The following PTPRR variants were observed in gnomAD, a reference collection of about 807,000 sequenced individuals.
The protein encoded by PTPRR is protein tyrosine phosphatase receptor type R.
PTPRR carries 38 observed loss-of-function variants against 77.2 expected under a neutral mutation model. The observed-to-expected ratio is 0.49, with a 90% CI of 0.38 to 0.65. PTPRR has a LOEUF of 0.65. Among genes scored for constraint, PTPRR ranks in the 30% least tolerant of loss-of-function variants. The pLI is 0.00. For synonymous variants in PTPRR, 299 were observed against 283.1 expected (o/e 1.06, Z -0.57); for missense variants, 744 against 799.2 (o/e 0.93, Z 0.83).
At chr12:70,725,502 C>T (rs1328476986) in intron 6 of PTPRR, among the ~76,000 whole-genome samples, 1 of 152,112 alleles carries the variant, frequency 6.6e-6, no homozygotes, top group Non-Finnish European at 1.5e-5. Context: ...CCCCCCACCT[C>T]CCCAATGTAT....
intron 2 of PTPRR, among the ~76,000 whole-genome samples, chr12:70,813,930 A>G (rs553325416): frequency 6.6e-6 from 1 of 152,330 alleles, no homozygotes; most frequent in East Asian, 1.9e-4. Context: ...AAAACCAACC[A>G]GAAAAGAACA....
At chr12:70,682,613 T>C (rs1030090021) in intron 10 of PTPRR, among the ~76,000 whole-genome samples, 1 of 152,166 alleles carries the variant, frequency 6.6e-6, no homozygotes, top group African/African-American at 2.4e-5. Flanking sequence ...TTTCAGGTTA[T>C]CTAGTCTGCT....
At chr12:70,836,450 G>A (rs1009339524) in intron 2 of PTPRR, among the ~76,000 whole-genome samples, 51 of 151,680 alleles carry the variant, frequency 3.4e-4, no homozygotes, top group African/African-American at 1.2e-3. Flanking sequence ...AGATAATTTT[G>A]CTGCACTTCT....
At chr12:70,706,929 G>A (rs1165082046) in intron 6 of PTPRR, among the ~76,000 whole-genome samples, 1 of 152,002 alleles carries the variant, frequency 6.6e-6, no homozygotes, top group African/African-American at 2.4e-5. Context: ...CCTAATGTCT[G>A]GGATATAATA....
intron 2 of PTPRR, among the ~76,000 whole-genome samples, chr12:70,835,322 G>C (rs1892281483): frequency 6.6e-6 from 1 of 151,942 alleles, no homozygotes; most frequent in Non-Finnish European, 1.5e-5. Context: ...TTAGTGCTAA[G>C]GGATTACTAT....
intron 8 of PTPRR, among the ~76,000 whole-genome samples, chr12:70,694,021 C>T (rs1295578693): frequency 6.6e-6 from 1 of 152,036 alleles, no homozygotes. Flanking sequence ...GTTATCACTA[C>T]TTTTGGGAAT....
chr12:70,897,065 G>C lies in PTPRR; in HGVS notation c.59-4088C>G, dbSNP rs192954975. Among the ~76,000 whole-genome samples, 270 of 151,614 alleles carry C rather than the reference G, an allele frequency of 1.8e-3. 2 individuals are homozygous for C. Among genetic ancestry groups the C allele is most frequent in the African/African-American group, 6.2e-3 (257 of 41,426 alleles). On this transcript the variant is annotated intron_variant, in intron 1 of 13. Coordinates refer to ENST00000283228, the MANE Select transcript of PTPRR (RefSeq NM_002849.4). ...TAGCGTGATGCCTCCAGCTTTGTTC[G>C]TTTGGCTTAGGATTGACTTGGCAAT...
chr12:70,697,272 A>T (rs2136771503), intron 8 of PTPRR, among the ~76,000 whole-genome samples: 1 of 152,238 alleles, frequency 6.6e-6, no homozygotes, highest in Admixed American at 6.6e-5. Context: ...ATCCTCATGG[A>T]TATAAAGTAC....
intron 5 of PTPRR, among the ~76,000 whole-genome samples, chr12:70,750,322 A>G (rs192920423): frequency 2.0e-5 from 3 of 152,310 alleles, no homozygotes; most frequent in Non-Finnish European, 2.9e-5. Context: ...AGGAATGCCA[A>G]TGCAAATGGA....
intron 6 of PTPRR, among the ~76,000 whole-genome samples, chr12:70,703,709 G>T (rs958644): frequency 0.34 from 51,329 of 151,998 alleles, 8,869 homozygotes; most frequent in South Asian, 0.48. Context: ...TAGTATGAAG[G>T]TGAGAGAGGC....
intron 1 of PTPRR, among the ~76,000 whole-genome samples, chr12:70,905,423 TAG>T (rs1893606718): frequency 6.6e-6 from 1 of 151,926 alleles, no homozygotes; most frequent in African/African-American, 2.4e-5. Context: ...CTGTGAGGGA[TAG>T]AGTGTCTCTT....
intron 2 of PTPRR, among the ~76,000 whole-genome samples, chr12:70,779,011 A>G (rs919800845): frequency 1.3e-5 from 2 of 151,854 alleles, no homozygotes; most frequent in South Asian, 4.2e-4. Flanking sequence ...ACACCCAGCT[A>G]ATTTTTTTGT....
intron 6 of PTPRR, among the ~76,000 whole-genome samples, chr12:70,703,757 A>C (rs1404138532): frequency 6.6e-6 from 1 of 152,128 alleles, no homozygotes; most frequent in Non-Finnish European, 1.5e-5. Flanking sequence ...CTTTAAAATC[A>C]CCATGCCATT....
intron 6 of PTPRR, among the ~76,000 whole-genome samples, chr12:70,717,100 C>T (rs776101530): frequency 1.6e-4 from 24 of 152,196 alleles, no homozygotes; most frequent in Admixed American, 2.0e-4. Context: ...ACATACTATT[C>T]TTCCTCAGGT....
chr12:70,865,915 C>T (rs567625074), intron 2 of PTPRR, among the ~76,000 whole-genome samples: 63 of 152,228 alleles, frequency 4.1e-4, no homozygotes, highest in African/African-American at 1.5e-3. Context: ...TACCAGATCT[C>T]TTAATTTTTT....
intron 10 of PTPRR, among the ~76,000 whole-genome samples, chr12:70,683,684 G>A (rs1887756778): frequency 6.6e-6 from 1 of 151,968 alleles, no homozygotes; most frequent in Non-Finnish European, 1.5e-5. Context: ...AGTTTATTAT[G>A]TGTAGTGTTG....
At chr12:70,867,035 TA>T (rs1892864906) in intron 2 of PTPRR, among the ~76,000 whole-genome samples, 1 of 151,580 alleles carries the variant, frequency 6.6e-6, no homozygotes, top group Non-Finnish European at 1.5e-5. Context: ...TGGTAGGACG[TA>T]TCTCAAAATA....
At chr12:70,919,630 G>A (rs1222885335) in intron 1 of PTPRR, among the ~76,000 whole-genome samples, 1 of 149,240 alleles carries the variant, frequency 6.7e-6, no homozygotes. Flanking sequence ...TCTGTCCGAG[G>A]GACAGTGCCT....
intron 3 of PTPRR, 127 bp downstream of exon 3, chr12:70,764,538 T>G: frequency 1.4e-6 from 1 of 723,722 alleles, no homozygotes. Context: ...CATAAAATTT[T>G]ATTTGCAAAA....
Sources: gnomAD v4.1 joint callset for allele counts (sites outside exome capture counted in the v4.1 genomes callset) on GRCh38, gnomAD v4.1.1 for gene constraint, MANE v1.5 for transcripts, NCBI Gene and HGNC (gene_info 2026-07-23, HGNC 2026-07-21) for gene names.